TAOK3: variants seen among roughly 807,000 people sequenced by gnomAD.
TAOK3 encodes the protein serine/threonine-protein kinase TAO3.
TAOK3 carries 40 observed loss-of-function variants against 120.4 expected under a neutral mutation model. The observed-to-expected ratio is 0.33, with a 90% confidence interval of 0.26 to 0.43. The LOEUF is 0.43. Among genes scored for constraint, TAOK3 ranks in the 20% least tolerant of loss-of-function variants. The probability of loss-of-function intolerance (pLI) is 1.00; values close to 1 mark genes in which losing one functional copy is unlikely to be tolerated. For missense variants in TAOK3, 821 were observed against 1,112.1 expected (o/e 0.74, Z 3.72); for synonymous variants, 355 against 387.5 (o/e 0.92, Z 0.99).
intron 1 of TAOK3, 147 bp from the exon 2 acceptor site, chr12:118,266,906 G>A: frequency 2.8e-6 from 1 of 358,558 alleles, no homozygotes; most frequent in Non-Finnish European, 4.9e-6. Context: ...AAAGTTAAAA[G>A]GTAAGATGCT....
At chr12:118,272,529 A>C (rs1022521362) in intron 1 of TAOK3, among the ~76,000 whole-genome samples, 1 of 151,818 alleles carries the variant, frequency 6.6e-6, no homozygotes, top group African/African-American at 2.4e-5. Context: ...TTTCAGTATT[A>C]ATAAAGTAAA....
intron 1 of TAOK3, among the ~76,000 whole-genome samples, chr12:118,365,811 T>C (rs2045726955): frequency 6.6e-6 from 1 of 152,202 alleles, no homozygotes; most frequent in Admixed American, 6.5e-5. Flanking sequence ...GAAGAGAATT[T>C]TGCCAAGAGA....
At chr12:118,310,250 C>T (rs1160612167) in intron 1 of TAOK3, among the ~76,000 whole-genome samples, 1 of 152,194 alleles carries the variant, frequency 6.6e-6, no homozygotes, top group African/African-American at 2.4e-5. Context: ...TGCCACTGCA[C>T]TCAACCTCTA....
intron 13 of TAOK3, among the ~76,000 whole-genome samples, chr12:118,194,776 T>C (rs2139162301): frequency 6.6e-6 from 1 of 152,176 alleles, no homozygotes; most frequent in South Asian, 2.1e-4. Flanking sequence ...GACGGAGTCT[T>C]TGCTCTGTCA....
At chr12:118,342,731 C>T (rs1271799875) in intron 1 of TAOK3, among the ~76,000 whole-genome samples, 1 of 151,986 alleles carries the variant, frequency 6.6e-6, no homozygotes, top group Non-Finnish European at 1.5e-5. Context: ...CTCAGGAGTT[C>T]GAGACCAGCC....
At chr12:118,348,849 T>TC (rs1566156586) in intron 1 of TAOK3, among the ~76,000 whole-genome samples, 7 of 150,206 alleles carry the variant, frequency 4.7e-5, no homozygotes, top group Non-Finnish European at 1.0e-4. Flanking sequence ...TAATTTCTTT[T>TC]TTTTTTTTTT....
intron 9 of TAOK3, among the ~76,000 whole-genome samples, chr12:118,224,615 G>A (rs1486272393): frequency 6.6e-6 from 1 of 152,160 alleles, no homozygotes; most frequent in Non-Finnish European, 1.5e-5. Context: ...AATATCTGGT[G>A]ACTGGACAAT....
chr12:118,353,706 C>T (rs2045275040), intron 1 of TAOK3, among the ~76,000 whole-genome samples: 1 of 152,100 alleles, frequency 6.6e-6, no homozygotes, highest in Non-Finnish European at 1.5e-5. Flanking sequence ...GTGCATTTTA[C>T]CAGCGATGTA....
At chr12:118,186,961 A>ACAATGTTG (rs1565917702) in intron 14 of TAOK3, among the ~76,000 whole-genome samples, 2 of 152,204 alleles carry the variant, frequency 1.3e-5, no homozygotes, top group Admixed American at 6.5e-5. Context: ...ATTCAAAAGC[A>ACAATGTTG]CAATGTTGAA....
intron 19 of TAOK3, among the ~76,000 whole-genome samples, chr12:118,155,709 C>T (rs973935736): frequency 6.6e-6 from 1 of 152,020 alleles, no homozygotes; most frequent in Admixed American, 6.6e-5. Context: ...AATCATTGAC[C>T]TGTATTTCTG....
intron 2 of TAOK3, among the ~76,000 whole-genome samples, chr12:118,259,038 A>T (rs561586218): frequency 1.3e-5 from 2 of 152,346 alleles, no homozygotes; most frequent in African/African-American, 4.8e-5. Context: ...TAAATGTAAA[A>T]ATGAGACCAT....
chr12:118,162,453 C>T (rs2035281873), intron 17 of TAOK3, among the ~76,000 whole-genome samples: 1 of 152,098 alleles, frequency 6.6e-6, no homozygotes, highest in Non-Finnish European at 1.5e-5. Flanking sequence ...TTGAATCTCA[C>T]AGGGTGAAAT....
intron 1 of TAOK3, among the ~76,000 whole-genome samples, chr12:118,352,700 G>T (rs1593667319): frequency 6.6e-6 from 1 of 151,862 alleles, no homozygotes. Context: ...GTATTACCAG[G>T]GTTACTGATC....
chr12:118,217,793 ATGTATG>A (rs1345504350), intron 9 of TAOK3, among the ~76,000 whole-genome samples: 2 of 85,038 alleles, frequency 2.4e-5, no homozygotes, highest in African/African-American at 8.0e-5. Context: ...ATATGTATGT[ATGTATG>A]TGTGTGTGTG....
At chr12:118,165,434 C>T (rs2035516986) in intron 17 of TAOK3, among the ~76,000 whole-genome samples, 1 of 152,328 alleles carries the variant, frequency 6.6e-6, no homozygotes, top group East Asian at 1.9e-4. Flanking sequence ...AGCAAGCAAA[C>T]ACCTTCAGAA....
At chr12:118,201,567 A>G (rs2038026783) in intron 11 of TAOK3, 104 bp from the exon 12 acceptor site, 1 of 953,934 alleles carries the variant, frequency 1.0e-6, no homozygotes, top group Admixed American at 3.3e-5. Flanking sequence ...AGTTCTATGG[A>G]TATTACAGAA....
rs371260067 is a variant in TAOK3, at chr12:118,235,560, G to T, written c.549C>A (p.Tyr183Ter). Residue 183 changes from tyrosine to a stop codon, truncating the protein, a stop_gained and splice_region_variant, in exon 8 of 21, where the codon TAC (tyrosine) becomes TAA (stop). Coordinates refer to ENST00000392533, the MANE Select transcript of TAOK3 (RefSeq NM_016281.4). LOFTEE classifies it high-confidence loss of function. ...TCATATAGCCTAATTCTACATACCAGTAAGGTGTGCCCACGAAGGAGTTGG... is the reference window on the plus strand; with the variant it reads ...TCATATAGCCTAATTCTACATACCATTAAGGTGTGCCCACGAAGGAGTTGG... ...SPANSFVGTP[Y>*]WMAPEVILAM... 1 of 1,612,082 alleles carries T rather than the reference G, an allele frequency of 6.2e-7. No homozygotes were observed. Among genetic ancestry groups the T allele is most frequent in the Non-Finnish European group, 8.5e-7 (1 of 1,178,452 alleles).
intron 1 of TAOK3, among the ~76,000 whole-genome samples, chr12:118,360,669 T>C (rs1302064539): frequency 6.6e-6 from 1 of 151,918 alleles, no homozygotes; most frequent in Non-Finnish European, 1.5e-5. Flanking sequence ...AATACAATAA[T>C]GAACAAAATA....
At chr12:118,267,057 A>C (rs2041478914) in intron 1 of TAOK3, among the ~76,000 whole-genome samples, 1 of 152,292 alleles carries the variant, frequency 6.6e-6, no homozygotes, top group East Asian at 1.9e-4. Flanking sequence ...AGACAGCACT[A>C]ATCTGACAGC....
Sources: allele counts gnomAD v4.1 joint callset (sites outside exome capture counted in the v4.1 genomes callset), GRCh38; gene constraint gnomAD v4.1.1; transcripts MANE v1.5; gene names NCBI Gene and HGNC (gene_info 2026-07-23, HGNC 2026-07-21).